COL5A2: variants seen among roughly 807,000 people sequenced by gnomAD.
The protein encoded by COL5A2 is collagen alpha-2(V) chain.
A neutral mutation model predicts 208.2 loss-of-function variants in COL5A2; 23 were observed. That is an observed-to-expected ratio of 0.11 (90% CI 0.08 to 0.16). The LOEUF (loss-of-function observed/expected upper bound fraction) is 0.16. Ranked by LOEUF, COL5A2 falls within the 10% of genes least tolerant of loss-of-function variation. The probability of loss-of-function intolerance (pLI) is 1.00; values close to 1 mark genes in which losing one functional copy is unlikely to be tolerated. For missense variants in COL5A2, 1,590 were observed against 1,956.4 expected (o/e 0.81, Z 3.53); for synonymous variants, 625 against 628.5 (o/e 0.99, Z 0.08).
rs1047746488 is a variant in COL5A2, at chr2:189,033,704, C to A, written c.*366G>T. ...TATACCCCACTCTTTAAGCTACCTG[C>A]CAGGAAGAAGAATTTCCTCATAAAT... On this transcript the variant is annotated 3_prime_UTR_variant, in exon 54 of 54. Coordinates refer to ENST00000374866, the MANE Select transcript of COL5A2 (RefSeq NM_000393.5). 2.1e-5 allele frequency: 6 copies of A among 285,648 alleles called. No individual in the cohort carries two copies. Among genetic ancestry groups the A allele is most frequent in the African/African-American group, 1.1e-4 (5 of 45,602 alleles). The allele number at this position is 285,648 out of a possible 1,614,324, so 17.7% of individuals were successfully genotyped here. A position where few individuals can be genotyped will look rare whatever the true frequency, so the allele number is the denominator to read the frequency against.
intron 3 of COL5A2, among the ~76,000 whole-genome samples, chr2:189,103,143 CATCT>C (rs1397412935): frequency 2.0e-5 from 3 of 152,000 alleles, no homozygotes; most frequent in African/African-American, 7.2e-5. Flanking sequence ...TGCATCCATC[CATCT>C]ATCTTTCACC....
the COL5A2 span, among the ~76,000 whole-genome samples, chr2:189,310,945 A>T: frequency 1.3e-5 from 2 of 151,682 alleles, no homozygotes; most frequent in Non-Finnish European, 2.9e-5. Context: ...AGTGGGGAGC[A>T]GGGGGAGGTG....
chr2:189,397,811 C>T, the COL5A2 span, among the ~76,000 whole-genome samples: 3 of 151,588 alleles, frequency 2.0e-5, no homozygotes, highest in African/African-American at 7.3e-5. Flanking sequence ...TTATTAATTT[C>T]TATTCTTATC....
chr2:189,174,433 T>G (rs2105823273), intron 1 of COL5A2, among the ~76,000 whole-genome samples: 1 of 152,296 alleles, frequency 6.6e-6, no homozygotes, highest in East Asian at 1.9e-4. Flanking sequence ...CCTACAAACT[T>G]CAACTAAGCA....
chr2:189,293,777 T>A, the COL5A2 span, among the ~76,000 whole-genome samples: 1 of 152,126 alleles, frequency 6.6e-6, no homozygotes, highest in South Asian at 2.1e-4. Context: ...GAAAACTAAA[T>A]TTCTATTGAT....
the COL5A2 span, among the ~76,000 whole-genome samples, chr2:189,355,169 T>A: frequency 1.3e-5 from 2 of 152,216 alleles, no homozygotes; most frequent in Non-Finnish European, 2.9e-5. Context: ...TTCCATTCTT[T>A]TGCGTTTGCT....
chr2:189,091,647 T>C (rs1211229341), intron 7 of COL5A2, among the ~76,000 whole-genome samples: 1 of 152,098 alleles, frequency 6.6e-6, no homozygotes, highest in Non-Finnish European at 1.5e-5. Context: ...AAAACATAAG[T>C]TTATATGCAC....
the COL5A2 span, among the ~76,000 whole-genome samples, chr2:189,252,979 A>G: frequency 6.6e-6 from 1 of 152,188 alleles, no homozygotes; most frequent in East Asian, 1.9e-4. Flanking sequence ...CAGTTTGTTC[A>G]TAAAGACAAC....
At chr2:189,042,827 G>A in intron 48 of COL5A2, 54 bp from the exon 49 acceptor site, 1 of 1,519,986 alleles carries the variant, frequency 6.6e-7, no homozygotes. Flanking sequence ...CCTGCATTGT[G>A]CCATTCTCAA....
intron 7 of COL5A2, among the ~76,000 whole-genome samples, chr2:189,089,840 T>C (rs1030743716): frequency 1.3e-5 from 2 of 152,218 alleles, no homozygotes; most frequent in Non-Finnish European, 2.9e-5. Flanking sequence ...ATAAACTTGA[T>C]CAATAAATAT....
At chr2:189,431,217 A>G in the COL5A2 span, among the ~76,000 whole-genome samples, 8 of 152,232 alleles carry the variant, frequency 5.3e-5, no homozygotes, top group African/African-American at 1.4e-4. Flanking sequence ...AAAGGTAGAT[A>G]AAACCAAAAA....
At chr2:189,293,933 A>C in the COL5A2 span, among the ~76,000 whole-genome samples, 2 of 152,088 alleles carry the variant, frequency 1.3e-5, no homozygotes, top group Non-Finnish European at 2.9e-5. Flanking sequence ...AACAAAATAC[A>C]AAAAATTAGC....
chr2:189,363,065 ATAG>A, the COL5A2 span, among the ~76,000 whole-genome samples: 4 of 152,144 alleles, frequency 2.6e-5, no homozygotes, highest in African/African-American at 7.2e-5. Flanking sequence ...AAAAATGTAA[ATAG>A]TAGTCAAAAT....
At chr2:189,043,984 G>T (rs920140165) in intron 47 of COL5A2, among the ~76,000 whole-genome samples, 2 of 152,156 alleles carry the variant, frequency 1.3e-5, no homozygotes, top group Admixed American at 1.3e-4. Context: ...AATCTCAGAT[G>T]TTTTGTTATT....
At chr2:189,311,161 C>A in the COL5A2 span, 5 of 682,402 alleles carry the variant, frequency 7.3e-6, no homozygotes, top group Non-Finnish European at 1.3e-5. Flanking sequence ...CCCAGCACTG[C>A]ACAGCCACTT....
At chr2:189,088,166 A>G (rs1686705339) in intron 8 of COL5A2, among the ~76,000 whole-genome samples, 1 of 152,222 alleles carries the variant, frequency 6.6e-6, no homozygotes, top group South Asian at 2.1e-4. Flanking sequence ...CCAAATATCC[A>G]GGAAAAAAAT....
intron 1 of COL5A2, among the ~76,000 whole-genome samples, chr2:189,224,319 T>C (rs1308791959): frequency 6.6e-6 from 1 of 151,792 alleles, no homozygotes; most frequent in Non-Finnish European, 1.5e-5. Context: ...AGAAATAACT[T>C]ACCATTCCAA....
At chr2:189,099,509 C>T (rs931322685) in intron 4 of COL5A2, among the ~76,000 whole-genome samples, 1 of 152,240 alleles carries the variant, frequency 6.6e-6, no homozygotes, top group Middle Eastern at 3.4e-3. Context: ...CCTGTAGTCC[C>T]AGCTGCTCGG....
intron 10 of COL5A2, 21 bp from the exon 11 acceptor site, chr2:189,085,234 A>T (rs1686630107): frequency 2.5e-6 from 4 of 1,597,668 alleles, no homozygotes. Flanking sequence ...AACAAAACAA[A>T]AGGAAAAAAA....
Sources: allele counts gnomAD v4.1 joint callset (sites outside exome capture counted in the v4.1 genomes callset), GRCh38; gene constraint gnomAD v4.1.1; transcripts MANE v1.5; gene names NCBI Gene and HGNC (gene_info 2026-07-23, HGNC 2026-07-21).